Variants in NME5 observed in about 807,000 individuals in gnomAD.
NME5 encodes NME/NM23 family member 5, also known as nucleoside diphosphate kinase 5.
In NME5, 18 loss-of-function variants were observed where a neutral mutation model predicts 21.6. The ratio of observed to expected loss-of-function variants is 0.83; its 90% CI spans 0.58 to 1.24. The LOEUF is 1.24. Among genes scored for constraint, NME5 ranks in the 50% most tolerant of loss-of-function variants. NME5 has a pLI of 0.00. For synonymous variants in NME5, 70 were observed against 80.6 expected (o/e 0.87, Z 0.71); for missense variants, 223 against 255.4 (o/e 0.87, Z 0.86).
chr5:138,132,266 C>T (rs893359997), intron 2 of NME5, among the ~76,000 whole-genome samples: 1 of 152,092 alleles, frequency 6.6e-6, no homozygotes, highest in African/African-American at 2.4e-5. Flanking sequence ...ACGAGAATTG[C>T]TTGAACCCAG....
At chr5:138,132,453 A>G (rs1442575909) in intron 2 of NME5, among the ~76,000 whole-genome samples, 1 of 152,202 alleles carries the variant, frequency 6.6e-6, no homozygotes, top group African/African-American at 2.4e-5. Flanking sequence ...CAAAGTAGAA[A>G]TCAAAGAACC....
chr5:138,129,439 T>C lies in NME5; in HGVS notation c.159A>G (p.Gln53=). 1.9e-6 allele frequency: 3 copies of C among 1,614,060 alleles called. No individual in the cohort carries two copies. Among genetic ancestry groups the C allele is most frequent in the Non-Finnish European group, 2.5e-6 (3 of 1,179,962 alleles). ...ACTTTTCCACATAAAAGTTACTACA[T>C]TGCTCAGGGCTGAGGCGTAGTTTTC... ...QRRKLRLSPE[Q]CSNFYVEKYG... The change falls in exon 3 of 6, where the codon CAA becomes CAG. Residue 53 remains glutamine (Q), a synonymous_variant. Coordinates refer to ENST00000265191, the MANE Select transcript of NME5 (RefSeq NM_003551.3).
chr5:138,127,529 A>G (rs1561588924), intron 4 of NME5: 1 of 981,290 alleles, frequency 1.0e-6, no homozygotes, highest in Non-Finnish European at 1.2e-6. Context: ...AAAATAAGTC[A>G]TAACAGGAAA....
intron 3 of NME5, among the ~76,000 whole-genome samples, chr5:138,128,807 T>TA (rs1751492818): frequency 6.6e-6 from 1 of 152,202 alleles, no homozygotes; most frequent in African/African-American, 2.4e-5. Flanking sequence ...GTTCTCTGGA[T>TA]AAAAACGTGG....
intron 4 of NME5, chr5:138,127,702 C>T: frequency 1.0e-6 from 1 of 984,698 alleles, no homozygotes; most frequent in Non-Finnish European, 1.2e-6. Flanking sequence ...TACAACTTCT[C>T]TAACAGTAAG....
intron 4 of NME5, among the ~76,000 whole-genome samples, chr5:138,126,820 C>A (rs1181865603): frequency 1.3e-5 from 2 of 151,870 alleles, no homozygotes; most frequent in African/African-American, 4.8e-5. Flanking sequence ...TGGTGATATG[C>A]GCCTGTGGTT....
At chr5:138,120,520 G>A (rs1751265107) in intron 4 of NME5, among the ~76,000 whole-genome samples, 2 of 152,114 alleles carry the variant, frequency 1.3e-5, no homozygotes, top group African/African-American at 4.8e-5. Context: ...TTACAGGCAT[G>A]AGCCACCGCG....
chr5:138,131,407 G>A (rs369452806), intron 2 of NME5, among the ~76,000 whole-genome samples: 37 of 151,300 alleles, frequency 2.4e-4, no homozygotes, highest in Admixed American at 9.2e-4. Context: ...AAATTAGTAA[G>A]GCGTGGTGGT....
chr5:138,127,974 G>C (rs1456859779), intron 4 of NME5, among the ~76,000 whole-genome samples: 1 of 152,202 alleles, frequency 6.6e-6, no homozygotes, highest in Non-Finnish European at 1.5e-5. Flanking sequence ...AGCACTTTGA[G>C]AGGCCAAGGC....
At chr5:138,117,515 A>G (rs1357916301) in intron 5 of NME5, among the ~76,000 whole-genome samples, 1 of 152,104 alleles carries the variant, frequency 6.6e-6, no homozygotes, top group Non-Finnish European at 1.5e-5. Flanking sequence ...CAAAAAGACA[A>G]CCCAGTTTAA....
intron 4 of NME5, among the ~76,000 whole-genome samples, chr5:138,123,530 A>C (rs1218802755): frequency 6.6e-6 from 1 of 152,194 alleles, no homozygotes; most frequent in East Asian, 1.9e-4. Flanking sequence ...CCATGTTGTC[A>C]AAAATGACAG....
In NME5 at chr5:138,129,288, C is replaced by T. The variant is rs1191484536; in HGVS notation, c.310G>A (p.Val104Ile). The T allele has an allele frequency of 1.2e-6, 2 of 1,613,564 alleles. No homozygotes were observed. The highest frequency in any genetic ancestry group is 4.5e-5 in the East Asian group (2 of 44,860). The change falls in exon 3 of 6, where the codon GTA (valine) becomes ATA (isoleucine). Residue 104 changes from valine to isoleucine, a missense_variant. By Grantham distance (29) the Val-to-Ile change is conservative. Transcript: ENST00000265191. Reference protein sequence around the residue: ...LELLGPNNSLVAKETHPDSLR... With the variant: ...LELLGPNNSLIAKETHPDSLR... Reference sequence around the variant, plus strand: ...CTGTCTGGATGTGTCTCCTTCGCTACTAAGCTATTATTTGGTCCCAAAAGT... The same window carrying T: ...CTGTCTGGATGTGTCTCCTTCGCTATTAAGCTATTATTTGGTCCCAAAAGT...
Position 138,118,889 on chromosome 5 carries a change from T to C in NME5, c.484A>G (p.Asn162Asp). ...AGCAGAGTTGGCATTATATGTAAATTTAAATAGTCCTTAGCAGCTTGTCCA... is the reference window on the plus strand; with the variant it reads ...AGCAGAGTTGGCATTATATGTAAATCTAAATAGTCCTTAGCAGCTTGTCCA... ...PIGQAAKDYL[N>D]LHIMPTLLEG... Residue 162 changes from asparagine (N) to aspartate (D), a missense_variant, in exon 5 of 6, where the codon AAT becomes GAT. By Grantham distance (23) the Asn-to-Asp change is conservative (BLOSUM62 1). Transcript: ENST00000265191. The C allele has an allele frequency of 2.5e-6, 4 of 1,613,700 alleles. No homozygotes were observed. The highest frequency in any genetic ancestry group is 3.4e-6 in the Non-Finnish European group (4 of 1,179,632).
chr5:138,138,838 T>C, intron 1 of NME5, 53 bp from the exon 2 acceptor site: 2 of 1,533,438 alleles, frequency 1.3e-6, no homozygotes, highest in Middle Eastern at 1.7e-4. Flanking sequence ...TGCAATGACA[T>C]GCATTTCCCC....
intron 2 of NME5, among the ~76,000 whole-genome samples, chr5:138,132,696 C>T (rs951126082): frequency 6.6e-6 from 1 of 152,138 alleles, no homozygotes; most frequent in Non-Finnish European, 1.5e-5. Flanking sequence ...CCAAACCGCC[C>T]AGAGCAAGAA....
At chr5:138,129,677 G>A (rs569377220) in intron 2 of NME5, among the ~76,000 whole-genome samples, 14 of 152,298 alleles carry the variant, frequency 9.2e-5, no homozygotes, top group Non-Finnish European at 1.9e-4. Flanking sequence ...AAAAATTATG[G>A]CCGGGTGCGG....
At chr5:138,137,154 T>G (rs1373022887) in intron 2 of NME5, among the ~76,000 whole-genome samples, 2 of 152,168 alleles carry the variant, frequency 1.3e-5, no homozygotes, top group Non-Finnish European at 2.9e-5. Flanking sequence ...TTTCAGTGGC[T>G]ACCAGTTTTC....
At chr5:138,138,527 TAGA>T (rs1256559670) in intron 2 of NME5, 122 bp downstream of exon 2, 2 of 778,540 alleles carry the variant, frequency 2.6e-6, no homozygotes, top group Admixed American at 3.1e-5. Context: ...CTTTTATACT[TAGA>T]AGAATAAACT....
Position 138,129,265 on chromosome 5 carries a change from G to T in NME5, c.333C>A (p.Asp111Glu). Residue 111 changes from aspartate (D) to glutamate (E), a missense_variant and splice_region_variant, in exon 3 of 6, where the codon GAC becomes GAA. Transcript: ENST00000265191. ...NSLVAKETHP[D>E]SLRAIYGTDD... ...ATCCCCCAAACCCTGAAAATTACCT[G>T]TCTGGATGTGTCTCCTTCGCTACTA... 1 of 1,607,000 alleles carries T rather than the reference G, an allele frequency of 6.2e-7. No homozygotes were observed. The highest frequency in any genetic ancestry group is 8.5e-7 in the Non-Finnish European group (1 of 1,174,484).
Sources: allele counts gnomAD v4.1 joint callset (sites outside exome capture counted in the v4.1 genomes callset), GRCh38; gene constraint gnomAD v4.1.1; transcripts MANE v1.5; gene names NCBI Gene and HGNC (gene_info 2026-07-23, HGNC 2026-07-21).